Variants in SIPA1L2 observed in about 807,000 individuals in gnomAD.
The protein encoded by SIPA1L2 is signal induced proliferation associated 1 like 2.
A neutral mutation model predicts 163.9 loss-of-function variants in SIPA1L2; 56 were observed. That is an observed-to-expected ratio of 0.34 (90% CI 0.28 to 0.43). The LOEUF (loss-of-function observed/expected upper bound fraction) is 0.43, where lower values mean the gene tolerates loss of function less well. Ranked by LOEUF, SIPA1L2 falls within the 20% of genes least tolerant of loss-of-function variation. The probability of loss-of-function intolerance (pLI) is 1.00; values close to 1 mark genes in which losing one functional copy is unlikely to be tolerated. For missense variants in SIPA1L2, 1,974 were observed against 2,193.5 expected, an observed-to-expected ratio of 0.90 and a Z score of 2.00; for synonymous variants, 877 against 865.7, an observed-to-expected ratio of 1.01 and a Z score of -0.23.
At chr1:232,457,290 C>G (rs907835292) in intron 10 of SIPA1L2, among the ~76,000 whole-genome samples, 1 of 152,176 alleles carries the variant, frequency 6.6e-6, no homozygotes, top group Non-Finnish European at 1.5e-5. Flanking sequence ...ACAGGAGGAG[C>G]TGGGCTCCCA....
At chr1:232,431,682 C>T (rs1482104691) in intron 16 of SIPA1L2, among the ~76,000 whole-genome samples, 1 of 151,564 alleles carries the variant, frequency 6.6e-6, no homozygotes, top group Non-Finnish European at 1.5e-5. Context: ...ATTTACCTGT[C>T]TCTTCACAGA....
chr1:232,435,583 G>A (rs1662511972), intron 15 of SIPA1L2, among the ~76,000 whole-genome samples: 1 of 152,188 alleles, frequency 6.6e-6, no homozygotes. Context: ...ATGATAAACA[G>A]CCCAACGTCG....
Position 232,441,399 on chromosome 1 carries a change from CA to C in SIPA1L2, c.3539-6del. ...GTGGGCCATGCCATTTGGTTTCTGT[CA>C]CATAAAAAGAGAGGAGTTGAATTTC... On this transcript the variant is annotated splice_region_variant and splice_polypyrimidine_tract_variant and intron_variant, in intron 13 of 22. Coordinates refer to ENST00000674635, the MANE Select transcript of SIPA1L2 (RefSeq NM_020808.5). 1 of 1,598,946 alleles carries C rather than the reference CA, an allele frequency of 6.3e-7. No homozygotes were observed. Among genetic ancestry groups the C allele is most frequent in the Non-Finnish European group, 8.5e-7 (1 of 1,175,240 alleles).
At chr1:232,490,584 T>C (rs369660302) in intron 5 of SIPA1L2, 1 of 164,538 alleles carries the variant, frequency 6.1e-6, no homozygotes, top group Admixed American at 1.2e-4. Context: ...GGAAAAAAAC[T>C]ACTATTGACT....
At chr1:232,599,135 C>G (rs1172108979) in intron 1 of SIPA1L2, among the ~76,000 whole-genome samples, 1 of 152,136 alleles carries the variant, frequency 6.6e-6, no homozygotes, top group African/African-American at 2.4e-5. Context: ...TGAACAGCAA[C>G]CAGCTCTATG....
At chr1:232,619,130 C>G (rs905085402) in intron 1 of SIPA1L2, among the ~76,000 whole-genome samples, 1 of 152,212 alleles carries the variant, frequency 6.6e-6, no homozygotes, top group African/African-American at 2.4e-5. Context: ...AAAGGAACAA[C>G]TGAGAGTGTT....
At chr1:232,453,746 C>CTTT (rs10711839) in intron 10 of SIPA1L2, among the ~76,000 whole-genome samples, 1 of 130,208 alleles carries the variant, frequency 7.7e-6, no homozygotes, top group African/African-American at 2.9e-5. Flanking sequence ...AAACACAAGG[C>CTTT]TTTTTTTTTT....
intron 2 of SIPA1L2, among the ~76,000 whole-genome samples, chr1:232,573,370 G>A (rs544168517): frequency 2.0e-5 from 3 of 152,250 alleles, no homozygotes; most frequent in South Asian, 2.1e-4. Context: ...TATCTCTATC[G>A]CACTGAAGTG....
chr1:232,547,613 A>C (rs941371409), intron 2 of SIPA1L2, among the ~76,000 whole-genome samples: 6 of 151,866 alleles, frequency 4.0e-5, no homozygotes, highest in African/African-American at 1.5e-4. Flanking sequence ...GGGGCAGATA[A>C]GAGTGAGAAA....
At chr1:232,468,917 C>T (rs927525037) in intron 8 of SIPA1L2, among the ~76,000 whole-genome samples, 1 of 152,144 alleles carries the variant, frequency 6.6e-6, no homozygotes. Context: ...TATTTTCAGG[C>T]TGAAAGTGAG....
At chr1:232,585,930 A>G (rs1412129400) in intron 1 of SIPA1L2, among the ~76,000 whole-genome samples, 4 of 152,232 alleles carry the variant, frequency 2.6e-5, no homozygotes, top group African/African-American at 9.6e-5. Flanking sequence ...ATGATGAGCA[A>G]GACTGGAAAA....
At chr1:232,552,265 T>C (rs1658438045) in intron 2 of SIPA1L2, among the ~76,000 whole-genome samples, 1 of 152,156 alleles carries the variant, frequency 6.6e-6, no homozygotes, top group South Asian at 2.1e-4. Context: ...AATATGCTTA[T>C]ATACTGCCTT....
chr1:232,457,629 T>C (rs545989589), intron 10 of SIPA1L2, among the ~76,000 whole-genome samples: 1 of 152,238 alleles, frequency 6.6e-6, no homozygotes, highest in African/African-American at 2.4e-5. Context: ...TCCTGTTATG[T>C]GTTGCTATAT....
chr1:232,564,269 TG>T (rs2102756304), intron 2 of SIPA1L2, among the ~76,000 whole-genome samples: 2 of 105,852 alleles, frequency 1.9e-5, no homozygotes, highest in South Asian at 3.1e-4. Context: ...TGTGTGTGTG[TG>T]TGTGTGTGTG....
At chr1:232,601,888 A>G (rs1190339171) in intron 1 of SIPA1L2, among the ~76,000 whole-genome samples, 1 of 152,206 alleles carries the variant, frequency 6.6e-6, no homozygotes, top group Non-Finnish European at 1.5e-5. Context: ...AACAATTCCT[A>G]CTTGCTATTA....
chr1:232,579,361 T>C (rs551638017), intron 1 of SIPA1L2, among the ~76,000 whole-genome samples: 2 of 152,304 alleles, frequency 1.3e-5, no homozygotes, highest in South Asian at 4.1e-4. Context: ...ACCTCAGAGT[T>C]TTCCATTAGC....
At chr1:232,481,522 T>C (rs777933467) in intron 6 of SIPA1L2, among the ~76,000 whole-genome samples, 1 of 152,184 alleles carries the variant, frequency 6.6e-6, no homozygotes, top group Non-Finnish European at 1.5e-5. Context: ...TCTCAAGCCA[T>C]ACTAAAAGAG....
At chr1:232,401,081 C>T (rs1157464485) in intron 22 of SIPA1L2, among the ~76,000 whole-genome samples, 1 of 152,146 alleles carries the variant, frequency 6.6e-6, no homozygotes, top group Non-Finnish European at 1.5e-5. Flanking sequence ...TTGGTTTATT[C>T]ATGCCCTGTA....
Position 232,514,949 on chromosome 1 carries a change from C to G in SIPA1L2, c.391G>C (p.Asp131His). The G allele has an allele frequency of 6.2e-7, 1 of 1,614,080 alleles. No homozygotes were observed. The highest frequency in any genetic ancestry group is 8.5e-7 in the Non-Finnish European group (1 of 1,180,004). ...QSEGQQDEQL[D>H]LDFVEAKYTI... ...TACTTGGCCTCCACGAAGTCCAGAT[C>G]GAGCTGTTCATCTTGCTGACCTTCA... Residue 131 changes from aspartate to histidine, a missense_variant, in exon 3 of 23, where the codon GAT (aspartate) becomes CAT (histidine). This residue lies in a region of SIPA1L2 where 607 missense variants were observed against 624.0 expected (regional missense o/e 0.97). Coordinates refer to ENST00000674635, the MANE Select transcript of SIPA1L2 (RefSeq NM_020808.5).
Sources: allele counts gnomAD v4.1 joint callset (sites outside exome capture counted in the v4.1 genomes callset), GRCh38; gene constraint gnomAD v4.1.1; regional missense constraint gnomAD v4.1.1; transcripts MANE v1.5; gene names NCBI Gene and HGNC (gene_info 2026-07-23, HGNC 2026-07-21).